Variants in NIBAN3 observed in about 807,000 individuals in gnomAD.
NIBAN3 encodes the protein protein Niban 3.
Under a neutral mutation model 76.4 loss-of-function variants are expected in NIBAN3, and 66 were observed. That is an observed-to-expected ratio of 0.86 (90% CI 0.71 to 1.06). The LOEUF is 1.06. NIBAN3 is among the 50% of genes least tolerant of loss of function. NIBAN3 has a pLI of 0.00. For missense variants in NIBAN3, 808 were observed against 810.7 expected (o/e 1.00, Z 0.04); for synonymous variants, 360 against 355.2 (o/e 1.01, Z -0.15).
chr19:17,525,441 G>A (rs1477690586), upstream of NIBAN3, among the ~76,000 whole-genome samples: 1 of 152,152 alleles, frequency 6.6e-6, no homozygotes, highest in Non-Finnish European at 1.5e-5. Context: ...ACAGGTGAAG[G>A]GGTGGAGACG....
At chr19:17,533,422 A>C (rs1020349081) in intron 3 of NIBAN3, 165 bp from the exon 4 acceptor site, 3 of 552,086 alleles carry the variant, frequency 5.4e-6, no homozygotes, top group Non-Finnish European at 9.6e-6. Context: ...AAACAAAAAA[A>C]AAAAAAAAGA....
intron 5 of NIBAN3, among the ~76,000 whole-genome samples, chr19:17,538,645 G>C (rs1335349886): frequency 1.3e-5 from 2 of 149,302 alleles, no homozygotes; most frequent in Non-Finnish European, 3.0e-5. Context: ...GAAAAGAAAA[G>C]AGGAGAGAAG....
chr19:17,532,115 G>C (rs2075737162), intron 2 of NIBAN3, 148 bp from the exon 3 acceptor site: 1 of 1,112,820 alleles, frequency 9.0e-7, no homozygotes, highest in East Asian at 2.8e-5. Context: ...TGGACACAGA[G>C]CCCCTTCCTG....
chr19:17,553,769 T>G, downstream of NIBAN3: 1 of 564,876 alleles, frequency 1.8e-6, no homozygotes, highest in South Asian at 2.2e-5. Flanking sequence ...TGGGTCTAAA[T>G]CCTTCCAGAT....
intron 4 of NIBAN3, among the ~76,000 whole-genome samples, chr19:17,534,469 A>G (rs375155143): frequency 6.6e-6 from 1 of 152,066 alleles, no homozygotes; most frequent in African/African-American, 2.4e-5. Context: ...CAGCCTGACC[A>G]ATATGGTGAA....
Position 17,553,301 on chromosome 19 carries a change from T to A in NIBAN3, c.*1403T>A. 6.2e-7 allele frequency: 1 copy of A among 1,611,162 alleles called. No homozygotes were observed. The highest frequency in any genetic ancestry group is 1.7e-5 in the Admixed American group (1 of 59,902). ...CTCCGCTTGCTGTGAGCCTTTTGGGTTTGTTTCCTAGCTCCAAATCTTAAC... is the reference window on the plus strand; with the variant it reads ...CTCCGCTTGCTGTGAGCCTTTTGGGATTGTTTCCTAGCTCCAAATCTTAAC... On this transcript the variant is annotated 3_prime_UTR_variant, in exon 15 of 15. Coordinates refer to ENST00000599164, the MANE Select transcript of NIBAN3 (RefSeq NM_001321827.2).
At chr19:17,554,199 T>G (rs2076195346), downstream of NIBAN3, among the ~76,000 whole-genome samples, 1 of 152,020 alleles carries the variant, frequency 6.6e-6, no homozygotes, top group Admixed American at 6.6e-5. Flanking sequence ...AATTAAGTTT[T>G]AGCGGGGCAT....
chr19:17,549,634 G>A (rs770821104), intron 14 of NIBAN3, 107 bp downstream of exon 14: 52 of 908,800 alleles, frequency 5.7e-5, no homozygotes, highest in Middle Eastern at 2.1e-4. Context: ...GTTCATGGAC[G>A]GAACAGAATG....
At chr19:17,553,871 C>CTTTTTT (rs368209352), downstream of NIBAN3, 3 of 141,188 alleles carry the variant, frequency 2.1e-5, no homozygotes, top group African/African-American at 5.7e-5. Context: ...TTGTTTTTAC[C>CTTTTTT]TTTTTTTTTT....
intron 4 of NIBAN3, among the ~76,000 whole-genome samples, chr19:17,534,002 G>C (rs769151408): frequency 1.1e-4 from 16 of 152,310 alleles, no homozygotes; most frequent in Middle Eastern, 3.4e-3. Flanking sequence ...GAGGGGGAGA[G>C]TTAGGTCATG....
chr19:17,545,063 C>G (rs531883185), intron 12 of NIBAN3, among the ~76,000 whole-genome samples: 1 of 151,670 alleles, frequency 6.6e-6, no homozygotes, highest in Non-Finnish European at 1.5e-5. Context: ...CTTGGGAGGC[C>G]GAGGTGGGAG....
In NIBAN3 at chr19:17,533,386, G is replaced by C. The variant is rs2075764889; in HGVS notation, c.313-201G>C. Reference sequence around the variant, plus strand: ...GATCGCGCCATCGCACTCCAGCCTGGGTGACAGAGTGAGACTCTGTCTCAA... The same window carrying C: ...GATCGCGCCATCGCACTCCAGCCTGCGTGACAGAGTGAGACTCTGTCTCAA... On this transcript the variant is annotated intron_variant, in intron 3 of 14. Coordinates refer to ENST00000599164, the MANE Select transcript of NIBAN3 (RefSeq NM_001321827.2). 3.9e-5 allele frequency: 20 copies of C among 506,332 alleles called. 1 individual carries two copies. In the South Asian group the frequency reaches 5.3e-4, roughly 13 times the overall value. The allele number at this position is 506,332 out of a possible 1,614,324, so 31.4% of individuals were successfully genotyped here.
At chr19:17,532,035 G>T (rs1042470655) in intron 2 of NIBAN3, among the ~76,000 whole-genome samples, 4 of 152,344 alleles carry the variant, frequency 2.6e-5, no homozygotes, top group Admixed American at 6.5e-5. Context: ...TTGGGGCTGA[G>T]ATTTTTTGCC....
At position 17,542,701 on chromosome 19, in the gene NIBAN3, T is replaced by C. The variant is rs2075977999; in HGVS notation, c.1329+407T>C. On this transcript the variant is annotated intron_variant, in intron 10 of 14. Transcript: ENST00000599164. This position sits in a 1 kb window ranked among gnomAD's most constrained non-coding sequence, Gnocchi z 4.8. Reference sequence around the variant, plus strand: ...TGGACGGGCAGATCGCGCAGTGCCTTGAGCGTGGGGCTAAGGGGTGAGCTC... The same window carrying C: ...TGGACGGGCAGATCGCGCAGTGCCTCGAGCGTGGGGCTAAGGGGTGAGCTC... Among the ~76,000 whole-genome samples the C allele has an allele frequency of 6.6e-6, 1 of 152,108 alleles. No homozygotes were observed. Among genetic ancestry groups the C allele is most frequent in the African/African-American group, 2.4e-5 (1 of 41,424 alleles).
At position 17,542,074 on chromosome 19, in the gene NIBAN3, T is replaced by A; in HGVS notation, c.1171-62T>A. The A allele has an allele frequency of 1.9e-6, 3 of 1,587,260 alleles. No homozygotes were observed. The highest frequency in any genetic ancestry group is 2.6e-6 in the Non-Finnish European group (3 of 1,157,126). On this transcript the variant is annotated intron_variant, in intron 9 of 14. Transcript: ENST00000599164. This position sits in a 1 kb window ranked among gnomAD's most constrained non-coding sequence, Gnocchi z 4.8. ...CTCCTTTGGTGAATTGGTAATGGGG[T>A]CCCTGGCCCTTTGCAATCAGCTGAC...
rs533283501 is a variant in NIBAN3 at position 17,538,940 on chromosome 19, T to C, written c.596-210T>C. Among the ~76,000 whole-genome samples the C allele has an allele frequency of 1.9e-4, 29 of 152,356 alleles. No individual in the cohort carries two copies. The South Asian group carries it at 5.8e-3, about 30-fold the overall frequency. On this transcript the variant is annotated intron_variant, in intron 5 of 14. Transcript: ENST00000599164. ...GCCTGAACTGCTGGTCACGGGGCTGTGGCTGCCAGTAGAGGGTTCCTTCTA... is the reference window on the plus strand; with the variant it reads ...GCCTGAACTGCTGGTCACGGGGCTGCGGCTGCCAGTAGAGGGTTCCTTCTA...
chr19:17,554,099 C>T (rs2076194606), downstream of NIBAN3, among the ~76,000 whole-genome samples: 1 of 152,118 alleles, frequency 6.6e-6, no homozygotes, highest in African/African-American at 2.4e-5. Context: ...GTCTCGAACT[C>T]CTGACCTCAA....
At chr19:17,525,493 C>T (rs149243006), upstream of NIBAN3, among the ~76,000 whole-genome samples, 53 of 152,278 alleles carry the variant, frequency 3.5e-4, no homozygotes, top group Non-Finnish European at 6.2e-4. Context: ...ACATAAAGGT[C>T]GCGCCCAACC....
chr19:17,531,486 G>T (rs62126819), intron 2 of NIBAN3, among the ~76,000 whole-genome samples: 46,260 of 151,950 alleles, frequency 0.3, 7,931 homozygotes, highest in African/African-American at 0.46. Flanking sequence ...TTCACAACCT[G>T]ATGGGAGGTA....
Sources: allele counts gnomAD v4.1 joint callset (sites outside exome capture counted in the v4.1 genomes callset), GRCh38; gene constraint gnomAD v4.1.1; non-coding constraint Gnocchi (gnomAD v3.1); transcripts MANE v1.5; gene names NCBI Gene and HGNC (gene_info 2026-07-23, HGNC 2026-07-21).